The following RSPO2 variants were observed in gnomAD, a reference collection of about 807,000 sequenced individuals.
The protein encoded by RSPO2 is R-spondin-2.
Under a neutral mutation model 30.9 loss-of-function variants are expected in RSPO2, and 14 were observed. The observed-to-expected ratio is 0.45, with a 90% CI of 0.30 to 0.71. The LOEUF (loss-of-function observed/expected upper bound fraction) is 0.71. Ranked by LOEUF, RSPO2 falls within the 30% of genes least tolerant of loss-of-function variation. The pLI is 0.08. For synonymous variants in RSPO2, 107 were observed against 96.4 expected (o/e 1.11, Z -0.64); for missense variants, 264 against 301.9 (o/e 0.87, Z 0.93).
At chr8:107,980,492 T>G (rs1186534915) in intron 3 of RSPO2, among the ~76,000 whole-genome samples, 1 of 152,222 alleles carries the variant, frequency 6.6e-6, no homozygotes, top group African/African-American at 2.4e-5. Context: ...CTTATTCATG[T>G]GCTGGTTTGA....
At chr8:107,950,341 C>T (rs1813202238) in intron 5 of RSPO2, among the ~76,000 whole-genome samples, 1 of 152,144 alleles carries the variant, frequency 6.6e-6, no homozygotes, top group South Asian at 2.1e-4. Context: ...TCTACTTTTT[C>T]CCTTTGCCTG....
At chr8:107,903,403 T>G (rs1811540627) in intron 5 of RSPO2, among the ~76,000 whole-genome samples, 1 of 152,140 alleles carries the variant, frequency 6.6e-6, no homozygotes, top group African/African-American at 2.4e-5. Flanking sequence ...CTACTTTCAC[T>G]AACAGCAAAT....
intron 3 of RSPO2, among the ~76,000 whole-genome samples, chr8:107,980,110 C>G (rs934898538): frequency 6.6e-6 from 1 of 152,152 alleles, no homozygotes; most frequent in Non-Finnish European, 1.5e-5. Flanking sequence ...ATAACACACT[C>G]TTCGGAAAAT....
intron 3 of RSPO2, among the ~76,000 whole-genome samples, chr8:107,986,957 A>G (rs942429009): frequency 6.6e-6 from 1 of 152,208 alleles, no homozygotes; most frequent in African/African-American, 2.4e-5. Context: ...AACAAAATTC[A>G]TATTTGCAAA....
At chr8:108,016,326 A>T (rs1810888876) in intron 2 of RSPO2, among the ~76,000 whole-genome samples, 1 of 152,242 alleles carries the variant, frequency 6.6e-6, no homozygotes, top group Admixed American at 6.5e-5. Flanking sequence ...TAGAGGCAGA[A>T]GGAATTCCCC....
intron 2 of RSPO2, among the ~76,000 whole-genome samples, chr8:108,033,520 T>C (rs1193218037): frequency 6.6e-6 from 1 of 152,180 alleles, no homozygotes; most frequent in African/African-American, 2.4e-5. Flanking sequence ...AGTCAGAGTG[T>C]CCTCTCACAT....
In RSPO2 at chr8:107,899,459, C is replaced by G. The variant is rs1811371369; in HGVS notation, c.*1616G>C. The G allele has an allele frequency of 6.6e-6, 1 of 152,524 alleles. No homozygotes were observed. The highest frequency in any genetic ancestry group is 2.4e-5 in the African/African-American group (1 of 41,424). 9.4% of individuals were successfully genotyped at this position (152,524 alleles called of 1,614,324 possible). Reference sequence around the variant, plus strand: ...TGTAAATAGACATGAAAGGAGGTAACACTTCAGGATTAAATGTAAACCCTA... The same window carrying G: ...TGTAAATAGACATGAAAGGAGGTAAGACTTCAGGATTAAATGTAAACCCTA... On this transcript the variant is annotated 3_prime_UTR_variant, in exon 6 of 6. Coordinates refer to ENST00000276659, the MANE Select transcript of RSPO2 (RefSeq NM_178565.5).
rs114181204 is a variant in RSPO2 at position 108,007,100 on chromosome 8, A to G, written c.95-17856T>C. Among the ~76,000 whole-genome samples the G allele has an allele frequency of 4.0e-3, 603 of 152,252 alleles. 8 individuals carry two copies. The highest frequency in any genetic ancestry group is 0.014 in the African/African-American group (573 of 41,552). The stretch of plus-strand genomic sequence containing the variant: ...TATTTCTTCATTTCTCCCCAAAAAT[A>G]TTGCTTTTTTCCCACCTATCTTTAG... On this transcript the variant is annotated intron_variant, in intron 2 of 5. Transcript: ENST00000276659.
At chr8:107,946,878 C>A (rs1021023466) in intron 5 of RSPO2, among the ~76,000 whole-genome samples, 3 of 152,194 alleles carry the variant, frequency 2.0e-5, no homozygotes, top group Admixed American at 2.0e-4. Context: ...CAAAGACATC[C>A]ACCATCACTG....
intron 2 of RSPO2, among the ~76,000 whole-genome samples, chr8:108,030,944 GA>G (rs11336451): frequency 0.011 from 1,623 of 152,176 alleles, 10 homozygotes; most frequent in Non-Finnish European, 0.016. Flanking sequence ...CGAGGTCCCT[GA>G]AAAAAATGGC....
chr8:108,008,682 T>C (rs1810581935), intron 2 of RSPO2, among the ~76,000 whole-genome samples: 1 of 151,834 alleles, frequency 6.6e-6, no homozygotes. Context: ...CCTAATTTCA[T>C]AATATATCAA....
chr8:108,044,638 G>A (rs530341356), intron 2 of RSPO2, among the ~76,000 whole-genome samples: 14 of 152,052 alleles, frequency 9.2e-5, no homozygotes, highest in Admixed American at 6.6e-4. Context: ...TTGATTCCAT[G>A]TCTTTGCTAT....
chr8:107,934,112 C>T (rs1812639123), intron 5 of RSPO2, among the ~76,000 whole-genome samples: 1 of 152,040 alleles, frequency 6.6e-6, no homozygotes, highest in South Asian at 2.1e-4. Context: ...TTTTACAATA[C>T]AAAATTAAGT....
intron 3 of RSPO2, among the ~76,000 whole-genome samples, chr8:107,977,813 C>G (rs1393192539): frequency 1.3e-5 from 2 of 152,040 alleles, no homozygotes; most frequent in Non-Finnish European, 2.9e-5. Flanking sequence ...TATTAGCATC[C>G]TGGTAAGCAT....
At position 108,009,304 on chromosome 8, in the gene RSPO2, G is replaced by A. The variant is rs188414924; in HGVS notation, c.95-20060C>T. ...TAGCTGAAAGAATTGGATAAATGCAGAAATACATACAATTTATATCACAGC... is the reference window on the plus strand; with the variant it reads ...TAGCTGAAAGAATTGGATAAATGCAAAAATACATACAATTTATATCACAGC... On this transcript the variant is annotated intron_variant, in intron 2 of 5. Coordinates refer to ENST00000276659, the MANE Select transcript of RSPO2 (RefSeq NM_178565.5). Among the ~76,000 whole-genome samples the A allele has an allele frequency of 9.5e-4, 144 of 152,176 alleles. 1 individual carries two copies. Among genetic ancestry groups the A allele is most frequent in the Non-Finnish European group, 1.3e-3 (89 of 67,996 alleles).
At position 107,900,768 on chromosome 8, in the gene RSPO2, G is replaced by A. The variant is rs563413072; in HGVS notation, c.*307C>T. ...CTTTCACATAAATAGGCACAAGTCC[G>A]TCCTCCAGCGGTGTTCTGCAGCCTC... On this transcript the variant is annotated 3_prime_UTR_variant, in exon 6 of 6. Transcript: ENST00000276659. 2.3e-4 allele frequency: 60 copies of A among 260,298 alleles called. No individual in the cohort carries two copies. Among genetic ancestry groups the A allele is most frequent in the Non-Finnish European group, 3.5e-4 (49 of 138,470 alleles). The allele number at this position is 260,298 out of a possible 1,614,324, so 16.1% of individuals were successfully genotyped here. A position where few individuals can be genotyped will look rare whatever the true frequency, so the allele number is the denominator to read the frequency against.
chr8:107,951,058 TG>T (rs1161757059), intron 5 of RSPO2, among the ~76,000 whole-genome samples: 41 of 150,440 alleles, frequency 2.7e-4, no homozygotes, highest in African/African-American at 5.4e-4. Context: ...TTTTTGTTGT[TG>T]TTGTTGTTGT....
In RSPO2 at chr8:108,054,861, C is replaced by T. The variant is rs575359388; in HGVS notation, c.94+27684G>A. 1.2e-4 allele frequency among the ~76,000 whole-genome samples: 19 copies of T among 152,238 alleles called. No homozygotes were observed. In the East Asian group the frequency reaches 2.1e-3, roughly 17 times the overall value. On this transcript the variant is annotated intron_variant, in intron 2 of 5. Coordinates refer to ENST00000276659, the MANE Select transcript of RSPO2 (RefSeq NM_178565.5). ...GGGCAGGGTGGCTCATGCCTCTAAT[C>T]CCAGCACTTTGGAAGCCTGGGGTGG...
intron 2 of RSPO2, among the ~76,000 whole-genome samples, chr8:108,027,136 C>T (rs1427757267): frequency 6.6e-6 from 1 of 152,140 alleles, no homozygotes; most frequent in Non-Finnish European, 1.5e-5. Flanking sequence ...TTCTATATTA[C>T]ATAAAACTTC....
Sources: allele counts gnomAD v4.1 joint callset (sites outside exome capture counted in the v4.1 genomes callset), GRCh38; gene constraint gnomAD v4.1.1; transcripts MANE v1.5; gene names NCBI Gene and HGNC (gene_info 2026-07-23, HGNC 2026-07-21).